PLPPR4: variants seen among roughly 807,000 people sequenced by gnomAD.
PLPPR4 encodes phospholipid phosphatase-related protein type 4.
A neutral mutation model predicts 56.6 loss-of-function variants in PLPPR4; 24 were observed. The observed-to-expected ratio is 0.42, with a 90% confidence interval of 0.31 to 0.60. The LOEUF (loss-of-function observed/expected upper bound fraction) is 0.60. Ranked by LOEUF, PLPPR4 falls within the 20% of genes least tolerant of loss-of-function variation. PLPPR4 has a pLI of 0.13. For synonymous variants in PLPPR4, 326 were observed against 328.1 expected (o/e 0.99, Z 0.07); for missense variants, 654 against 885.8 (o/e 0.74, Z 3.32).
intron 1 of PLPPR4, among the ~76,000 whole-genome samples, chr1:99,281,790 A>G (rs1049140159): frequency 6.6e-6 from 1 of 152,150 alleles, no homozygotes; most frequent in African/African-American, 2.4e-5. Flanking sequence ...TTCACATTAT[A>G]TATGATTTTG....
intron 1 of PLPPR4, among the ~76,000 whole-genome samples, chr1:99,271,410 G>A (rs956467181): frequency 2.0e-5 from 3 of 152,156 alleles, no homozygotes; most frequent in African/African-American, 7.2e-5. Flanking sequence ...TCTCACACAT[G>A]CTTCCAACAA....
rs778910456 is a variant in PLPPR4 at position 99,306,203 on chromosome 1, T to C, written c.1341T>C (p.His447=). Residue 447 remains histidine, a synonymous_variant, in exon 7 of 7, where the codon CAT becomes CAC. Coordinates refer to ENST00000370185, the MANE Select transcript of PLPPR4 (RefSeq NM_014839.5). The surrounding 1 kb of genome is among the most constrained non-coding windows in gnomAD (Gnocchi z 4.0). ...GGGTAGGGGTGAATGGAGACCACCATGGTCCTGGCAATCAGTACCTCAAAA... is the reference window on the plus strand; with the variant it reads ...GGGTAGGGGTGAATGGAGACCACCACGGTCCTGGCAATCAGTACCTCAAAA... ...PSRVGVNGDH[H]GPGNQYLKIQ... is the part of the protein sequence containing the mutation. The C allele has an allele frequency of 6.2e-7, 1 of 1,614,060 alleles. No individual in the cohort carries two copies. The highest frequency in any genetic ancestry group is 8.5e-7 in the Non-Finnish European group (1 of 1,180,010).
chr1:99,265,976 A>G (rs1165833922), intron 1 of PLPPR4, among the ~76,000 whole-genome samples: 1 of 151,822 alleles, frequency 6.6e-6, no homozygotes, highest in Non-Finnish European at 1.5e-5. Context: ...AGAAAAGAAG[A>G]AAAAAAAATC....
intron 1 of PLPPR4, among the ~76,000 whole-genome samples, chr1:99,272,279 T>A (rs1570906623): frequency 6.6e-6 from 1 of 152,090 alleles, no homozygotes; most frequent in East Asian, 1.9e-4. Context: ...TTTGAAAAGG[T>A]TAACTGAGTT....
chr1:99,268,183 G>A (rs958415695), intron 1 of PLPPR4, among the ~76,000 whole-genome samples: 4 of 152,184 alleles, frequency 2.6e-5, no homozygotes, highest in Non-Finnish European at 4.4e-5. Flanking sequence ...ATGTAGTAAG[G>A]CAAGGGCACA....
chr1:99,291,574 A>G (rs1570917912), intron 2 of PLPPR4, among the ~76,000 whole-genome samples: 1 of 152,246 alleles, frequency 6.6e-6, no homozygotes, highest in Non-Finnish European at 1.5e-5. Flanking sequence ...GTACATATAC[A>G]CCATGGAATA....
chr1:99,294,632 G>A (rs191755849), intron 2 of PLPPR4, among the ~76,000 whole-genome samples: 10 of 150,050 alleles, frequency 6.7e-5, no homozygotes, highest in African/African-American at 1.7e-4. Context: ...GGAGGCGGAG[G>A]TTGCAGTGAG....
intron 1 of PLPPR4, among the ~76,000 whole-genome samples, chr1:99,278,574 C>T (rs940289461): frequency 5.9e-5 from 9 of 152,110 alleles, no homozygotes; most frequent in Non-Finnish European, 1.3e-4. Context: ...GTCTTAGTCT[C>T]TAACGGTTTA....
intron 1 of PLPPR4, among the ~76,000 whole-genome samples, chr1:99,275,772 T>C (rs1290666159): frequency 6.6e-6 from 1 of 152,140 alleles, no homozygotes; most frequent in Non-Finnish European, 1.5e-5. Context: ...GCCTACTTTA[T>C]GGGACTACAA....
At chr1:99,270,732 C>G (rs1659036217) in intron 1 of PLPPR4, among the ~76,000 whole-genome samples, 1 of 152,148 alleles carries the variant, frequency 6.6e-6, no homozygotes, top group Non-Finnish European at 1.5e-5. Flanking sequence ...GTAGGAAATA[C>G]AAAATCACAT....
intron 1 of PLPPR4, among the ~76,000 whole-genome samples, chr1:99,275,018 T>G (rs1447849443): frequency 6.6e-6 from 1 of 152,194 alleles, no homozygotes; most frequent in African/African-American, 2.4e-5. Context: ...TGGAATCTTT[T>G]TTTTTAAGGC....
At position 99,288,090 on chromosome 1, in the gene PLPPR4, C is replaced by G. The variant is rs376504127; in HGVS notation, c.204C>G (p.Thr68=). Residue 68 remains threonine, a synonymous_variant, in exon 2 of 7, where the codon ACC becomes ACG. Transcript: ENST00000370185. The stretch of plus-strand genomic sequence containing the variant: ...TTAGCATGCCGTACATTGAACCAAC[C>G]CAGGAGGCAATTCCATTCCTCATGT... ...RSLSMPYIEP[T]QEAIPFLMLL... 3.1e-6 allele frequency: 5 copies of G among 1,613,676 alleles called. No homozygotes were observed. The African/African-American group carries it at 5.3e-5, about 17-fold the overall frequency.
chr1:99,301,911 T>C lies in PLPPR4; in HGVS notation c.822+14T>C. ...GCACTGTACTTGGTAAATAAGTTAC[T>C]ATTATCTTATAAGCCAAAGTTTAAA... is the stretch of plus-strand genomic sequence containing the variant. On this transcript the variant is annotated intron_variant, in intron 6 of 6. Coordinates refer to ENST00000370185, the MANE Select transcript of PLPPR4 (RefSeq NM_014839.5). The C allele has an allele frequency of 6.4e-7, 1 of 1,558,080 alleles. No individual in the cohort carries two copies. Among genetic ancestry groups the C allele is most frequent in the African/African-American group, 1.4e-5 (1 of 73,522 alleles).
intron 1 of PLPPR4, among the ~76,000 whole-genome samples, chr1:99,267,880 C>T (rs1658944807): frequency 6.6e-6 from 1 of 152,172 alleles, no homozygotes; most frequent in African/African-American, 2.4e-5. Flanking sequence ...TTATAAAGTA[C>T]TTAGTATGTA....
chr1:99,274,495 G>T (rs1337359696), intron 1 of PLPPR4, among the ~76,000 whole-genome samples: 1 of 152,010 alleles, frequency 6.6e-6, no homozygotes, highest in Non-Finnish European at 1.5e-5. Flanking sequence ...TCTCCTGATT[G>T]TTTTTTATTG....
At chr1:99,268,732 T>A (rs180958986) in intron 1 of PLPPR4, among the ~76,000 whole-genome samples, 1 of 152,142 alleles carries the variant, frequency 6.6e-6, no homozygotes, top group African/African-American at 2.4e-5. Context: ...GGTCAAGTTG[T>A]GAAAAGAACT....
chr1:99,271,942 G>A (rs1452443188), intron 1 of PLPPR4, among the ~76,000 whole-genome samples: 1 of 143,998 alleles, frequency 6.9e-6, no homozygotes, highest in Non-Finnish European at 1.5e-5. Context: ...GTGTGTGTGT[G>A]TGATGGAGAT....
At chr1:99,301,985 T>A in intron 6 of PLPPR4, 88 bp downstream of exon 6, 1 of 804,522 alleles carries the variant, frequency 1.2e-6, no homozygotes, top group South Asian at 3.6e-5. Flanking sequence ...TTCCTTGCGA[T>A]ATATTTTATA....
At chr1:99,270,163 T>A (rs1227936095) in intron 1 of PLPPR4, among the ~76,000 whole-genome samples, 1 of 152,118 alleles carries the variant, frequency 6.6e-6, no homozygotes, top group East Asian at 1.9e-4. Flanking sequence ...TACGTGGGAC[T>A]ACAGGCATGC....
Sources: allele counts gnomAD v4.1 joint callset (sites outside exome capture counted in the v4.1 genomes callset), GRCh38; gene constraint gnomAD v4.1.1; non-coding constraint Gnocchi (gnomAD v3.1); transcripts MANE v1.5; gene names NCBI Gene and HGNC (gene_info 2026-07-23, HGNC 2026-07-21).